The following INSL6 variants were observed in gnomAD, a reference collection of about 807,000 sequenced individuals.
INSL6 encodes insulin-like peptide INSL6.
A neutral mutation model predicts 9.4 loss-of-function variants in INSL6; 16 were observed. The observed-to-expected ratio is 1.70, with a 90% CI of 1.15 to 2.59. The LOEUF (loss-of-function observed/expected upper bound fraction) is 2.59. Among genes scored for constraint, INSL6 ranks in the 30% most tolerant of loss-of-function variants. The probability of loss-of-function intolerance (pLI) is 0.00; values close to 1 mark genes in which losing one functional copy is unlikely to be tolerated. For missense variants in INSL6, 391 were observed against 257.3 expected (o/e 1.52, Z -3.56); for synonymous variants, 154 against 96.9 (o/e 1.59, Z -3.46).
the INSL6 span, among the ~76,000 whole-genome samples, chr9:5,030,952 C>T: frequency 6.6e-6 from 1 of 151,960 alleles, no homozygotes; most frequent in African/African-American, 2.4e-5. Flanking sequence ...TATATGCAAG[C>T]AACCAGTTAT....
downstream of INSL6, among the ~76,000 whole-genome samples, chr9:5,159,819 C>G (rs1330219718): frequency 1.3e-5 from 2 of 152,238 alleles, no homozygotes; most frequent in African/African-American, 2.4e-5. Flanking sequence ...TTACAGAACA[C>G]TTCATCCAAC....
At chr9:5,152,973 C>T (rs879493781) in intron 2 of INSL6, among the ~76,000 whole-genome samples, 2 of 152,124 alleles carry the variant, frequency 1.3e-5, no homozygotes, top group African/African-American at 2.4e-5. Context: ...CCAAGTCAAG[C>T]GAAGCCATTA....
the INSL6 span, among the ~76,000 whole-genome samples, chr9:5,075,611 G>GA: frequency 1.3e-5 from 2 of 152,090 alleles, no homozygotes; most frequent in Admixed American, 1.3e-4. Flanking sequence ...GACCTGCTCA[G>GA]AAAAAAAGAT....
chr9:5,045,044 T>C, the INSL6 span, among the ~76,000 whole-genome samples: 6 of 152,350 alleles, frequency 3.9e-5, no homozygotes, highest in African/African-American at 1.2e-4. Context: ...CTAATACAGT[T>C]ATGTCAAATT....
the INSL6 span, among the ~76,000 whole-genome samples, chr9:5,086,291 G>A: frequency 1.3e-5 from 2 of 152,268 alleles, no homozygotes; most frequent in East Asian, 1.9e-4. Context: ...CCAGGACCTG[G>A]AGCCTGAAAC....
chr9:5,125,852 CT>C (rs1823955253), intron 3 of INSL6: 1 of 143,406 alleles, frequency 7.0e-6, no homozygotes, highest in Non-Finnish European at 1.5e-5. Flanking sequence ...TTTATAAGAG[CT>C]GTCTATATTG....
rs78153172 is a variant in INSL6, at chr9:5,184,787, T to C, written c.289+527A>G. ...TCTCCTGGTACGTGACCAGGGGATA[T>C]GGACAAGTAAGGAAAACAGTTTTAT... is the stretch of plus-strand genomic sequence containing the variant. On this transcript the variant is annotated intron_variant, in intron 1 of 1. Transcript: ENST00000381641. Among the ~76,000 whole-genome samples the C allele has an allele frequency of 1.9e-4, 29 of 152,332 alleles. 1 individual carries two copies. The East Asian group carries it at 3.3e-3, about 17-fold the overall frequency.
At chr9:5,068,214 A>G in the INSL6 span, among the ~76,000 whole-genome samples, 21 of 152,196 alleles carry the variant, frequency 1.4e-4, no homozygotes, top group Non-Finnish European at 2.9e-4. Flanking sequence ...TGGCATAGGA[A>G]GAACCTGATT....
intron 2 of INSL6, among the ~76,000 whole-genome samples, chr9:5,157,400 T>C (rs1824837079): frequency 6.6e-6 from 1 of 152,056 alleles, no homozygotes; most frequent in African/African-American, 2.4e-5. Context: ...TAATGATTAA[T>C]GGAAAGATTA....
downstream of INSL6, among the ~76,000 whole-genome samples, chr9:5,160,237 G>C (rs1824898771): frequency 6.8e-6 from 1 of 147,272 alleles, no homozygotes; most frequent in Non-Finnish European, 1.5e-5. Flanking sequence ...CCAAAAAATT[G>C]AAATAATATC....
At chr9:5,067,857 T>G in the INSL6 span, among the ~76,000 whole-genome samples, 1 of 151,924 alleles carries the variant, frequency 6.6e-6, no homozygotes, top group African/African-American at 2.4e-5. Context: ...AGGTTTACAA[T>G]TATTAAGAAA....
chr9:5,088,919 C>T, the INSL6 span, among the ~76,000 whole-genome samples: 6 of 152,288 alleles, frequency 3.9e-5, no homozygotes, highest in East Asian at 9.6e-4. Context: ...GTTAAGGCTT[C>T]ATTATATAAA....
the INSL6 span, among the ~76,000 whole-genome samples, chr9:5,078,150 G>C: frequency 6.6e-6 from 1 of 152,240 alleles, no homozygotes; most frequent in African/African-American, 2.4e-5. Flanking sequence ...AGGAAGCATA[G>C]GAGTCATAAA....
chr9:5,074,193 G>T, the INSL6 span, among the ~76,000 whole-genome samples: 4 of 152,032 alleles, frequency 2.6e-5, no homozygotes, highest in African/African-American at 9.7e-5. Flanking sequence ...TGATTATGTT[G>T]ATATGATACT....
chr9:5,065,751 G>T, the INSL6 span, among the ~76,000 whole-genome samples: 2 of 152,090 alleles, frequency 1.3e-5, no homozygotes, highest in Non-Finnish European at 2.9e-5. Flanking sequence ...TCTTAGCTAG[G>T]ATGTGGTTTA....
downstream of INSL6, chr9:5,123,215 C>G: frequency 4.1e-6 from 3 of 739,506 alleles, no homozygotes; most frequent in South Asian, 5.6e-5. Context: ...TACATGCATA[C>G]ATTGCATAGT....
intron 2 of INSL6, among the ~76,000 whole-genome samples, chr9:5,135,430 C>A (rs1824372184): frequency 6.6e-6 from 1 of 152,172 alleles, no homozygotes; most frequent in African/African-American, 2.4e-5. Flanking sequence ...TCTCTCATAT[C>A]AGAGTGCAAT....
the INSL6 span, among the ~76,000 whole-genome samples, chr9:5,033,856 C>T: frequency 0.092 from 14,016 of 152,166 alleles, 1,947 homozygotes; most frequent in African/African-American, 0.3. Context: ...AACCAGGTAA[C>T]GTCATAAAGA....
At chr9:5,090,772 C>G in the INSL6 span, 1 of 1,611,692 alleles carries the variant, frequency 6.2e-7, no homozygotes, top group Non-Finnish European at 8.5e-7. Flanking sequence ...AAGGTATATC[C>G]ACAGGGATCT....
Sources: allele counts gnomAD v4.1 joint callset (sites outside exome capture counted in the v4.1 genomes callset), GRCh38; gene constraint gnomAD v4.1.1; transcripts MANE v1.5; gene names NCBI Gene and HGNC (gene_info 2026-07-23, HGNC 2026-07-21).